The following MAGI1 variants were observed in gnomAD, a reference collection of about 807,000 sequenced individuals.
MAGI1 encodes membrane associated guanylate kinase, WW and PDZ domain containing 1, also known as membrane-associated guanylate kinase, WW and PDZ domain-containing protein 1.
A neutral mutation model predicts 139.9 loss-of-function variants in MAGI1; 58 were observed. The ratio of observed to expected loss-of-function variants is 0.41; its 90% CI spans 0.34 to 0.52. The LOEUF (loss-of-function observed/expected upper bound fraction) is 0.52, where lower values mean the gene tolerates loss of function less well. MAGI1 is among the 20% of genes least tolerant of loss of function. The pLI is 0.12. For synonymous variants in MAGI1, 812 were observed against 737.9 expected (o/e 1.10, Z -1.63); for missense variants, 1,874 against 1,901.6 (o/e 0.99, Z 0.27).
intron 1 of MAGI1, among the ~76,000 whole-genome samples, chr3:65,934,809 C>G (rs2062972124): frequency 6.7e-6 from 1 of 150,146 alleles, no homozygotes; most frequent in Non-Finnish European, 1.5e-5. Flanking sequence ...TGGGACATTC[C>G]AAAGGGGAAC....
chr3:65,608,797 T>C (rs1423033025), intron 2 of MAGI1, among the ~76,000 whole-genome samples: 1 of 152,272 alleles, frequency 6.6e-6, no homozygotes, highest in Middle Eastern at 3.4e-3. Context: ...TGTGCACATA[T>C]GTCCATTGTA....
chr3:65,875,412 G>A (rs1426547940), intron 1 of MAGI1, among the ~76,000 whole-genome samples: 2 of 152,146 alleles, frequency 1.3e-5, no homozygotes, highest in East Asian at 3.9e-4. Flanking sequence ...AAGCTGTTAT[G>A]TATTTCAGAA....
Position 65,697,643 on chromosome 3 carries a change from A to G in MAGI1, c.314-75555T>C, listed in dbSNP as rs1389096737. Among the ~76,000 whole-genome samples the G allele has an allele frequency of 1.3e-4, 14 of 105,244 alleles. 4 individuals are homozygous for G. In the East Asian group the frequency reaches 3.5e-3, roughly 27 times the overall value. The allele number at this position is 105,244 out of a possible 152,430, so 69.0% of individuals were successfully genotyped here. A position where few individuals can be genotyped will look rare whatever the true frequency, so the allele number is the denominator to read the frequency against. ...AAAAACCACATGATTATCTCAATAG[A>G]TGCAGAAAAAGCCTTTGACAAAATT... On this transcript the variant is annotated intron_variant, in intron 1 of 22. Coordinates refer to ENST00000402939, the MANE Select transcript of MAGI1 (RefSeq NM_001033057.2).
At chr3:65,967,413 C>A (rs376281501) in intron 1 of MAGI1, among the ~76,000 whole-genome samples, 2 of 152,162 alleles carry the variant, frequency 1.3e-5, no homozygotes, top group Non-Finnish European at 2.9e-5. Flanking sequence ...AAAAAGGTTA[C>A]GCCAATAATG....
intron 1 of MAGI1, among the ~76,000 whole-genome samples, chr3:65,683,657 G>GATATAT (rs377247002): frequency 0.08 from 6,893 of 86,176 alleles, 201 homozygotes; most frequent in Non-Finnish European, 0.088. Flanking sequence ...GACTGAATAG[G>GATATAT]ATATATATAT....
chr3:65,733,759 C>T (rs2034431037), intron 1 of MAGI1, among the ~76,000 whole-genome samples: 1 of 152,190 alleles, frequency 6.6e-6, no homozygotes, highest in East Asian at 1.9e-4. Context: ...ATCACTGCAA[C>T]CATCTAGGAT....
intron 12 of MAGI1, among the ~76,000 whole-genome samples, chr3:65,417,962 A>G (rs1270742553): frequency 6.6e-6 from 1 of 152,172 alleles, no homozygotes; most frequent in Non-Finnish European, 1.5e-5. Context: ...TTTGCCCCTT[A>G]GGGGACATCT....
At chr3:65,570,970 A>C (rs2080929657) in intron 2 of MAGI1, among the ~76,000 whole-genome samples, 2 of 152,200 alleles carry the variant, frequency 1.3e-5, no homozygotes, top group South Asian at 4.1e-4. Flanking sequence ...TATCTGTAGA[A>C]ACGGAGGCTT....
At chr3:65,501,296 T>A (rs375124444) in intron 2 of MAGI1, among the ~76,000 whole-genome samples, 19 of 151,932 alleles carry the variant, frequency 1.3e-4, no homozygotes, top group Non-Finnish European at 2.2e-4. Context: ...CTGGCCAAGA[T>A]GGTGAAACCC....
At chr3:65,411,484 A>C (rs1360714521) in intron 12 of MAGI1, among the ~76,000 whole-genome samples, 2 of 152,134 alleles carry the variant, frequency 1.3e-5, no homozygotes, top group Admixed American at 6.6e-5. Flanking sequence ...TTTTAACTAC[A>C]TAGGATGTAC....
chr3:65,518,133 C>A (rs1467521112), intron 2 of MAGI1, among the ~76,000 whole-genome samples: 2 of 152,068 alleles, frequency 1.3e-5, no homozygotes, highest in African/African-American at 4.8e-5. Flanking sequence ...CTCTAGTTAG[C>A]AGCTTAAAAC....
chr3:65,776,726 A>C (rs1459360676), intron 1 of MAGI1, among the ~76,000 whole-genome samples: 1 of 152,220 alleles, frequency 6.6e-6, no homozygotes, highest in East Asian at 1.9e-4. Flanking sequence ...ATAACCACGA[A>C]TTTAATGTAA....
intron 2 of MAGI1, among the ~76,000 whole-genome samples, chr3:65,510,559 G>A (rs2077535398): frequency 6.8e-6 from 1 of 146,888 alleles, no homozygotes; most frequent in Non-Finnish European, 1.5e-5. Context: ...TATCAGCAAT[G>A]GAAGATGAAA....
chr3:65,869,371 TTGTTGTTGTTGTTGTTG>T (rs1559961207), intron 1 of MAGI1, among the ~76,000 whole-genome samples: 548 of 37,424 alleles, frequency 0.015, 6 homozygotes, highest in African/African-American at 0.052. Flanking sequence ...TGGTTTTTTG[TTGTTGTTGTTGTTGTTG>T]TTGTTGTTGT....
chr3:65,724,989 T>C (rs2033445959), intron 1 of MAGI1, among the ~76,000 whole-genome samples: 1 of 152,126 alleles, frequency 6.6e-6, no homozygotes, highest in African/African-American at 2.4e-5. Flanking sequence ...CCTAACCATA[T>C]CAATCACCAT....
Position 65,400,983 on chromosome 3 carries a change from C to T in MAGI1, c.2199+456G>A, listed in dbSNP as rs564691278. Among the ~76,000 whole-genome samples, 23 of 151,912 alleles carry T rather than the reference C, an allele frequency of 1.5e-4. No individual in the cohort carries two copies. In the South Asian group the frequency reaches 2.3e-3, roughly 15 times the overall value. ...TTTATTTTGTAAATAATTCATCCTC[C>T]GGCGCCTAAGAAAGCTAAGGGAGAG... is the stretch of plus-strand genomic sequence containing the variant. On this transcript the variant is annotated intron_variant, in intron 13 of 22. Transcript: ENST00000402939.
chr3:65,601,845 T>C (rs754403174), intron 2 of MAGI1, among the ~76,000 whole-genome samples: 1 of 152,084 alleles, frequency 6.6e-6, no homozygotes, highest in Non-Finnish European at 1.5e-5. Flanking sequence ...AAAATACTGG[T>C]GAAGCATTTA....
At chr3:65,882,657 G>A (rs2060377538) in intron 1 of MAGI1, among the ~76,000 whole-genome samples, 1 of 152,094 alleles carries the variant, frequency 6.6e-6, no homozygotes, top group Non-Finnish European at 1.5e-5. Flanking sequence ...AGTTGACCAG[G>A]CACAGTGGCT....
At chr3:65,982,891 G>T (rs894821204) in intron 1 of MAGI1, among the ~76,000 whole-genome samples, 1 of 152,046 alleles carries the variant, frequency 6.6e-6, no homozygotes, top group Admixed American at 6.6e-5. Context: ...TTGTTTGTTT[G>T]TTTCTTAACA....
Sources: allele counts gnomAD v4.1 joint callset (sites outside exome capture counted in the v4.1 genomes callset), GRCh38; gene constraint gnomAD v4.1.1; transcripts MANE v1.5; gene names NCBI Gene and HGNC (gene_info 2026-07-23, HGNC 2026-07-21).